Variants in MID1 observed in about 807,000 individuals in gnomAD.
MID1 encodes the protein E3 ubiquitin-protein ligase Midline-1.
In MID1, 7 loss-of-function variants were observed where a neutral mutation model predicts 40.4. The observed-to-expected ratio is 0.17, with a 90% CI of 0.10 to 0.33. The LOEUF (loss-of-function observed/expected upper bound fraction) is 0.33, where lower values mean the gene tolerates loss of function less well. Among genes scored for constraint, MID1 ranks in the 10% least tolerant of loss-of-function variants. MID1 has a pLI of 1.00. For synonymous variants in MID1, 229 were observed against 221.2 expected (o/e 1.04, Z -0.31); for missense variants, 367 against 558.5 (o/e 0.66, Z 3.46).
chrX:10,534,058 G>A (rs950169209), intron 2 of MID1, among the ~76,000 whole-genome samples: 2 of 110,293 alleles, frequency 1.8e-5, no homozygotes, highest in Non-Finnish European at 3.8e-5. Flanking sequence ...CAGGGAGGGT[G>A]TAGAGCACTA....
chrX:10,656,251 T>C (rs2042871445), intron 1 of MID1, among the ~76,000 whole-genome samples: 1 of 111,777 alleles, frequency 8.9e-6, no homozygotes, highest in African/African-American at 3.3e-5. Flanking sequence ...AGCTTCTCCT[T>C]CCAATCTCAA....
intron 3 of MID1, among the ~76,000 whole-genome samples, chrX:10,513,757 C>G (rs1172884660): frequency 8.9e-6 from 1 of 112,330 alleles, no homozygotes; most frequent in Non-Finnish European, 1.9e-5. Flanking sequence ...GATCCACCCA[C>G]TTTGGCCTCC....
chrX:10,564,312 T>C (rs1471170379), intron 2 of MID1, among the ~76,000 whole-genome samples: 1 of 112,322 alleles, frequency 8.9e-6, no homozygotes, highest in African/African-American at 3.2e-5. Flanking sequence ...AGGTTTTAAA[T>C]AAAACAAGGA....
chrX:10,504,891 C>T (rs949711176), intron 3 of MID1, among the ~76,000 whole-genome samples: 4 of 110,888 alleles, frequency 3.6e-5, no homozygotes, highest in South Asian at 3.8e-4. Flanking sequence ...TGCAAATGGA[C>T]GTGGCTGTGT....
chrX:10,828,848 T>C (rs1315359857), intron 1 of MID1, among the ~76,000 whole-genome samples: 1 of 112,698 alleles, frequency 8.9e-6, no homozygotes, highest in Non-Finnish European at 1.9e-5. Flanking sequence ...TATTTACTGA[T>C]TGGCCTCATG....
At chrX:10,476,120 G>C (rs1200390345) in intron 5 of MID1, among the ~76,000 whole-genome samples, 3 of 111,670 alleles carry the variant, frequency 2.7e-5, no homozygotes, top group African/African-American at 9.8e-5. Context: ...CATCAAAAAG[G>C]CCACATATTG....
intron 3 of MID1, among the ~76,000 whole-genome samples, chrX:10,517,710 C>G (rs1276900369): frequency 8.9e-6 from 1 of 112,038 alleles, no homozygotes; most frequent in African/African-American, 3.3e-5. Flanking sequence ...TACATACATT[C>G]CTCGTCTTTC....
chrX:10,559,373 G>A (rs978225963), intron 2 of MID1, among the ~76,000 whole-genome samples: 2 of 112,139 alleles, frequency 1.8e-5, no homozygotes, highest in Admixed American at 9.4e-5. Flanking sequence ...TGGAACTGGT[G>A]AAACTCCATA....
intron 1 of MID1, among the ~76,000 whole-genome samples, chrX:10,776,533 CTTAACT>C (rs1341819546): frequency 2.7e-5 from 3 of 111,791 alleles, no homozygotes; most frequent in Non-Finnish European, 5.6e-5. Flanking sequence ...AGACACAGTC[CTTAACT>C]TTAAGTTTAT....
chrX:10,550,585 T>A (rs780822839), intron 2 of MID1, among the ~76,000 whole-genome samples: 1 of 111,978 alleles, frequency 8.9e-6, no homozygotes, highest in African/African-American at 3.2e-5. Flanking sequence ...GCTCTCTACA[T>A]CTCAAAGTAG....
At chrX:10,658,133 T>C (rs112202045) in intron 1 of MID1, among the ~76,000 whole-genome samples, 3 of 110,925 alleles carry the variant, frequency 2.7e-5, no homozygotes, top group African/African-American at 9.8e-5. Context: ...TTCTTAATAG[T>C]TCTGAATGAT....
intron 5 of MID1, among the ~76,000 whole-genome samples, chrX:10,477,405 TG>T (rs757989596): frequency 1.8e-5 from 2 of 112,483 alleles, no homozygotes; most frequent in African/African-American, 6.4e-5. Context: ...GTTCCTAGCC[TG>T]GGAGGTAAAG....
chrX:10,477,975 G>A (rs939762393), intron 5 of MID1, among the ~76,000 whole-genome samples: 13 of 112,326 alleles, frequency 1.2e-4, no homozygotes, highest in African/African-American at 4.2e-4. Flanking sequence ...ATTGACAACT[G>A]GAGTTCTTGG....
At chrX:10,463,709 A>G (rs1174703664) in intron 7 of MID1, among the ~76,000 whole-genome samples, 3 of 111,991 alleles carry the variant, frequency 2.7e-5, no homozygotes, top group African/African-American at 9.7e-5. Context: ...GGTGTTTACT[A>G]TTATTATCTC....
At chrX:10,454,024 T>TTGA (rs1263888415) in intron 9 of MID1, among the ~76,000 whole-genome samples, 1 of 112,487 alleles carries the variant, frequency 8.9e-6, no homozygotes, top group East Asian at 2.8e-4. Context: ...AGCTCCCTTT[T>TTGA]TGATCAATAG....
At chrX:10,588,620 T>C (rs1935194955) in intron 1 of MID1, among the ~76,000 whole-genome samples, 1 of 110,953 alleles carries the variant, frequency 9.0e-6, no homozygotes, top group Admixed American at 9.6e-5. Flanking sequence ...TTTGACTTTC[T>C]GTCTCTCTGT....
chrX:10,807,684 G>A lies in MID1; in HGVS notation c.-187+25870C>T, dbSNP rs767645404. Among the ~76,000 whole-genome samples the A allele has an allele frequency of 5.3e-5, 6 of 112,351 alleles. 1 individual carries two copies. The highest frequency in any genetic ancestry group is 1.9e-4 in the African/African-American group (6 of 30,951). ...TCTTTCTCACACTTTGAATCTCTATGACTTCCCCTTCTGCCATCAGCCAGA... is the reference window on the plus strand; with the variant it reads ...TCTTTCTCACACTTTGAATCTCTATAACTTCCCCTTCTGCCATCAGCCAGA... On this transcript the variant is annotated intron_variant, in intron 1 of 10. Coordinates refer to the MID1 transcript ENST00000380785.
chrX:10,554,640 A>T (rs756696973), intron 2 of MID1, among the ~76,000 whole-genome samples: 1 of 112,070 alleles, frequency 8.9e-6, no homozygotes, highest in African/African-American at 3.2e-5. Context: ...ACTATAAATA[A>T]GTGAGGCCCT....
At chrX:10,536,547 C>T (rs1336156302) in intron 2 of MID1, among the ~76,000 whole-genome samples, 1 of 112,440 alleles carries the variant, frequency 8.9e-6, no homozygotes, top group African/African-American at 3.2e-5. Flanking sequence ...AAAACCAAGC[C>T]ATTTGCTTTT....
Sources: gnomAD v4.1 joint callset for allele counts (sites outside exome capture counted in the v4.1 genomes callset) on GRCh38, gnomAD v4.1.1 for gene constraint, MANE v1.5 for transcripts, NCBI Gene and HGNC (gene_info 2026-07-23, HGNC 2026-07-21) for gene names.